The following MATN4 variants were observed in gnomAD, a reference collection of about 807,000 sequenced individuals.
MATN4 encodes matrilin-4.
Under a neutral mutation model 54.6 loss-of-function variants are expected in MATN4, and 40 were observed. That is an observed-to-expected ratio of 0.73 (90% CI 0.57 to 0.95). The LOEUF (loss-of-function observed/expected upper bound fraction) is 0.95. Ranked by LOEUF, MATN4 falls within the 40% of genes least tolerant of loss-of-function variation. The probability of loss-of-function intolerance (pLI) is 0.00; values close to 1 mark genes in which losing one functional copy is unlikely to be tolerated. For synonymous variants in MATN4, 351 were observed against 345.3 expected (o/e 1.02, Z -0.18); for missense variants, 810 against 819.1 (o/e 0.99, Z 0.13).
chr20:45,308,108 T>A, intron 1 of MATN4, 67 bp downstream of exon 1: 1 of 1,489,526 alleles, frequency 6.7e-7, no homozygotes, highest in Non-Finnish European at 9.3e-7. Flanking sequence ...TAAAATACAC[T>A]CGCCTGACCT....
chr20:45,303,082 C>CAA (rs79635257), intron 3 of MATN4, among the ~76,000 whole-genome samples: 1,113 of 82,226 alleles, frequency 0.014, 21 homozygotes, highest in African/African-American at 0.042. Context: ...GACTCTGTCT[C>CAA]AAAAAAAAAA....
At position 45,304,237 on chromosome 20, in the gene MATN4, G is replaced by C. The variant is rs1273163028; in HGVS notation, c.634C>G (p.Arg212Gly). ...IQEFGLQFQS[R>G]LCAIDLCAEG... Reference sequence around the variant, plus strand: ...CGCCCTCCTAACTCACCACACAGCCGGCTCTGGAACTGCAGGCCGAACTCC... The same window carrying C: ...CGCCCTCCTAACTCACCACACAGCCCGCTCTGGAACTGCAGGCCGAACTCC... The change falls in exon 3 of 10, where the codon CGG becomes GGG. Residue 212 changes from arginine (R) to glycine (G), a missense_variant. By Grantham distance (125) the Arg-to-Gly change is moderately radical. Transcript: ENST00000372756. The C allele has an allele frequency of 3.3e-6, 5 of 1,513,824 alleles. No individual in the cohort carries two copies. In the Admixed American group the frequency reaches 7.0e-5, roughly 21 times the overall value. The allele number at this position is 1,513,824 out of a possible 1,614,324, so 93.8% of individuals were successfully genotyped here.
chr20:45,307,865 G>A (rs1401503242), intron 1 of MATN4, among the ~76,000 whole-genome samples: 2 of 152,174 alleles, frequency 1.3e-5, no homozygotes, highest in Non-Finnish European at 2.9e-5. Context: ...GAAAGATTCA[G>A]AGATGCCCTG....
At chr20:45,305,049 G>A (rs1477339914) in intron 2 of MATN4, among the ~76,000 whole-genome samples, 1 of 152,148 alleles carries the variant, frequency 6.6e-6, no homozygotes, top group Non-Finnish European at 1.5e-5. Flanking sequence ...GCAAGGAAGC[G>A]TCGCAAACTC....
In MATN4 at chr20:45,304,274, G is replaced by C. The variant is rs756106015; in HGVS notation, c.597C>G (p.Phe199Leu). 3.2e-6 allele frequency: 5 copies of C among 1,555,718 alleles called. No homozygotes were observed. In the African/African-American group the frequency reaches 7.1e-5, roughly 22 times the overall value. Residue 199 changes from phenylalanine to leucine, a missense_variant, in exon 3 of 10, where the codon TTC (phenylalanine) becomes TTG (leucine). By Grantham distance (22) the Phe-to-Leu change is conservative (BLOSUM62 0). Coordinates refer to ENST00000372756, the MANE Select transcript of MATN4 (RefSeq NM_001393530.1). ...GCAGGCCGAACTCCTGGATGAGGTC[G>C]AAGGACTCTACGAGGAAGACGTGCT... is the stretch of plus-strand genomic sequence containing the variant. The part of the protein sequence containing the change: ...LDEHVFLVES[F>L]DLIQEFGLQF...
In MATN4 at chr20:45,301,159, G is replaced by T; in HGVS notation, c.832C>A (p.Pro278Thr). Residue 278 changes from proline to threonine, a missense_variant, in exon 5 of 10, where the codon CCA (proline) becomes ACA (threonine). Pro to Thr is a conservative substitution (Grantham distance 38). Transcript: ENST00000372756. ...QHECVSTPGG[P>T]RCHCREGHDL... is the part of the protein sequence containing the mutation. The stretch of plus-strand genomic sequence containing the variant: ...TGGCCCTCTCTGCAGTGGCACCGTG[G>T]CCCACCAGGGGTGCTAACACACTCA... 1 of 1,614,192 alleles carries T rather than the reference G, an allele frequency of 6.2e-7. No homozygotes were observed. Among genetic ancestry groups the T allele is most frequent in the Non-Finnish European group, 8.5e-7 (1 of 1,180,028 alleles).
At chr20:45,302,003 T>A (rs1986262965) in intron 3 of MATN4, among the ~76,000 whole-genome samples, 1 of 152,046 alleles carries the variant, frequency 6.6e-6, no homozygotes, top group Admixed American at 6.5e-5. Context: ...TATAATGAGT[T>A]TTTCGTGTGT....
chr20:45,300,775 CACAG>C, intron 6 of MATN4, 108 bp downstream of exon 6: 1 of 1,359,278 alleles, frequency 7.4e-7, no homozygotes, highest in South Asian at 1.3e-5. Context: ...CCACAACACA[CACAG>C]ACATTCACAC....
At chr20:45,305,688 AG>A (rs948620579) in intron 1 of MATN4, 72 bp from the exon 2 acceptor site, 4 of 682,024 alleles carry the variant, frequency 5.9e-6, no homozygotes, top group Non-Finnish European at 1.0e-5. Context: ...AGGCACTTGG[AG>A]GGGGAAGACA....
rs756857080 is a variant in MATN4 at position 45,304,742 on chromosome 20, G to C, written c.129C>G (p.Arg43=). The C allele has an allele frequency of 6.2e-7, 1 of 1,604,496 alleles. No homozygotes were observed. The highest frequency in any genetic ancestry group is 1.1e-5 in the South Asian group (1 of 90,738). Residue 43 remains arginine, a synonymous_variant, in exon 3 of 10, where the codon CGC becomes CGG. Transcript: ENST00000372756. ...TCTCGAACTCGAAAGGGCGCACGCT[G>C]CGGGAGCTGTCAATCACGAACACCA... ...LDLVFVIDSS[R]SVRPFEFETM...
Position 45,293,983 on chromosome 20 carries a change from T to A in MATN4, c.1612A>T (p.Ser538Cys). 5 of 1,603,172 alleles carry A rather than the reference T, an allele frequency of 3.1e-6. No homozygotes were observed. Among genetic ancestry groups the A allele is most frequent in the Non-Finnish European group, 4.2e-6 (5 of 1,179,706 alleles). ...ACGAGGCTTTCGCATTCGCATGGGC[T>A]CCGAAGCTCTGTCCCTGCGCTGATG... ...EGISAGTELRSPCECESLVEF... is the reference protein window; with the variant it reads ...EGISAGTELRCPCECESLVEF... The change falls in exon 9 of 10, where the codon AGC becomes TGC. Residue 538 changes from serine (S) to cysteine (C), a missense_variant. Physicochemically the swap from Ser to Cys is moderately radical, Grantham distance 112. Coordinates refer to ENST00000372756, the MANE Select transcript of MATN4 (RefSeq NM_001393530.1).
intron 2 of MATN4, among the ~76,000 whole-genome samples, chr20:45,305,299 C>T (rs1269869294): frequency 6.6e-6 from 1 of 152,192 alleles, no homozygotes. Flanking sequence ...AAATTAAACA[C>T]CCCATGGGCA....
intron 9 of MATN4, 40 bp from the exon 10 acceptor site, chr20:45,293,865 C>A (rs745888758): frequency 6.2e-7 from 1 of 1,608,518 alleles, no homozygotes; most frequent in Admixed American, 1.7e-5. Context: ...GCCGAGGTCC[C>A]TTCACTTTCC....
intron 3 of MATN4, chr20:45,303,537 G>T (rs1600699905): frequency 1.4e-6 from 1 of 692,180 alleles, no homozygotes. Context: ...ACTAGAATCA[G>T]TAGGGAACAG....
intron 1 of MATN4, 29 bp from the exon 2 acceptor site, chr20:45,305,645 AACAGTATTT>A (rs924691444): frequency 8.2e-7 from 1 of 1,219,044 alleles, no homozygotes; most frequent in Non-Finnish European, 1.2e-6. Context: ...ATAGAAAAGC[AACAGTATTT>A]ACAGAGCTCT....
chr20:45,306,173 G>A (rs755913651), intron 1 of MATN4, among the ~76,000 whole-genome samples: 1 of 152,102 alleles, frequency 6.6e-6, no homozygotes, highest in African/African-American at 2.4e-5. Context: ...GAAAAAAACA[G>A]GTCTTCCTTA....
At chr20:45,308,117 C>T in intron 1 of MATN4, 58 bp downstream of exon 1, 1 of 1,550,598 alleles carries the variant, frequency 6.4e-7, no homozygotes, top group Non-Finnish European at 8.9e-7. Flanking sequence ...CTCGCCTGAC[C>T]TGGCTTGATG....
At chr20:45,305,273 T>C (rs1215097986) in intron 2 of MATN4, among the ~76,000 whole-genome samples, 1 of 152,218 alleles carries the variant, frequency 6.6e-6, no homozygotes, top group Non-Finnish European at 1.5e-5. Flanking sequence ...TTTCCATGTT[T>C]TCAAATAATT....
rs376294310 is a variant in MATN4 at position 45,304,152 on chromosome 20, A to T, written c.643+76T>A. 6.9e-6 allele frequency: 9 copies of T among 1,302,090 alleles called. No individual in the cohort carries two copies. The African/African-American group carries it at 1.1e-4, about 16-fold the overall frequency. The allele number at this position is 1,302,090 out of a possible 1,614,324, so 80.7% of individuals were successfully genotyped here. A position where few individuals can be genotyped will look rare whatever the true frequency, so the allele number is the denominator to read the frequency against. ...CGCGGGGCCACCCCCACGGGATGGG[A>T]TTTACTGTGGTGGGAAAGGAATCCA... On this transcript the variant is annotated intron_variant, in intron 3 of 9. Coordinates refer to ENST00000372756, the MANE Select transcript of MATN4 (RefSeq NM_001393530.1).
Sources: allele counts gnomAD v4.1 joint callset (sites outside exome capture counted in the v4.1 genomes callset), GRCh38; gene constraint gnomAD v4.1.1; transcripts MANE v1.5; gene names NCBI Gene and HGNC (gene_info 2026-07-23, HGNC 2026-07-21).